The following PIP5K1C variants were observed in gnomAD, a reference collection of about 807,000 sequenced individuals.
The protein encoded by PIP5K1C is phosphatidylinositol 4-phosphate 5-kinase type-1 gamma.
Under a neutral mutation model 80.1 loss-of-function variants are expected in PIP5K1C, and 45 were observed. The observed-to-expected ratio is 0.56, with a 90% CI of 0.44 to 0.72. The LOEUF is 0.72. Among genes scored for constraint, PIP5K1C ranks in the 30% least tolerant of loss-of-function variants. PIP5K1C has a pLI of 0.00. For missense variants in PIP5K1C, 753 were observed against 954.6 expected (o/e 0.79, Z 2.78); for synonymous variants, 498 against 420.1 (o/e 1.19, Z -2.27).
chr19:3,664,676 C>T (rs2034950324), intron 3 of PIP5K1C, 146 bp downstream of exon 3: 7 of 763,192 alleles, frequency 9.2e-6, no homozygotes, highest in South Asian at 8.4e-5. Context: ...AGGACTCCAG[C>T]CTCTGCCTCC....
At position 3,696,860 on chromosome 19, in the gene PIP5K1C, T is replaced by G. The variant is rs1401247004; in HGVS notation, c.94+3437A>C. ...ATGGAGGGCTGCGAGCAGAGGAGGGTCGGGACTCGGGCCGCTGGTTTTTAA... is the reference window on the plus strand; with the variant it reads ...ATGGAGGGCTGCGAGCAGAGGAGGGGCGGGACTCGGGCCGCTGGTTTTTAA... On this transcript the variant is annotated intron_variant, in intron 1 of 17. Coordinates refer to ENST00000335312, the MANE Select transcript of PIP5K1C (RefSeq NM_012398.3). The surrounding 1 kb of genome is among the most constrained non-coding windows in gnomAD (Gnocchi z 4.1). 1.3e-5 allele frequency among the ~76,000 whole-genome samples: 2 copies of G among 151,654 alleles called. No homozygotes were observed. Among genetic ancestry groups the G allele is most frequent in the East Asian group, 3.9e-4 (2 of 5,142 alleles).
At chr19:3,664,287 G>A (rs1237951156) in intron 3 of PIP5K1C, among the ~76,000 whole-genome samples, 2 of 152,210 alleles carry the variant, frequency 1.3e-5, no homozygotes, top group Non-Finnish European at 2.9e-5. Flanking sequence ...AATTAGAGGT[G>A]ACGGCTGCAC....
At chr19:3,656,260 C>T (rs565764735) in intron 6 of PIP5K1C, 145 bp downstream of exon 6, 43 of 850,118 alleles carry the variant, frequency 5.1e-5, no homozygotes, top group South Asian at 1.4e-4. Context: ...GGGGGACCCC[C>T]GAGGGTGAGT....
Position 3,661,065 on chromosome 19 carries a change from G to A in PIP5K1C, c.369C>T (p.Thr123=), listed in dbSNP as rs1186847360. 3 of 1,613,906 alleles carry A rather than the reference G, an allele frequency of 1.9e-6. No homozygotes were observed. The highest frequency in any genetic ancestry group is 2.5e-6 in the Non-Finnish European group (3 of 1,179,862). Residue 123 remains threonine (T), a synonymous_variant, in exon 5 of 18, where the codon ACC becomes ACT. Transcript: ENST00000335312. ...IFFPSEGSNL[T]PAHHFQDFRF... ...GGAAGTCCTGGAAGTGGTGGGCGGG[G>A]GTGAGGTTGCTGCCTTCGCTGTGGA...
In PIP5K1C at chr19:3,647,351, A is replaced by T. The variant is rs2034274898; in HGVS notation, c.1247T>A (p.Leu416His). The T allele has an allele frequency of 6.3e-7, 1 of 1,578,630 alleles. No homozygotes were observed. Among genetic ancestry groups the T allele is most frequent in the Admixed American group, 1.8e-5 (1 of 56,104 alleles). Residue 416 changes from leucine to histidine, a missense_variant, in exon 10 of 18, where the codon CTC becomes CAC. Around this residue, in one of 6 missense-constraint regions of PIP5K1C, gnomAD observed 114 missense variants for 152.4 expected, o/e 0.75. Coordinates refer to ENST00000335312, the MANE Select transcript of PIP5K1C (RefSeq NM_012398.3). ...GCAGGCGCTCACCCCATCGTGGACG[A>T]GGGCCTTCCAGGTGTGCTCCAGTTT... is the stretch of plus-strand genomic sequence containing the variant. Reference protein sequence around the residue: ...IKKLEHTWKALVHDGDTVSVH... With the variant: ...IKKLEHTWKAHVHDGDTVSVH...
rs201875720 is a variant in PIP5K1C at position 3,648,741 on chromosome 19, C to A, written c.1128-33G>T. The stretch of plus-strand genomic sequence containing the variant: ...GAGAGGCCGAGGGTACCATCAGCAT[C>A]CCGCAGAGCTGGGACTCGGGGCAGG... On this transcript the variant is annotated intron_variant, in intron 8 of 17. Coordinates refer to ENST00000335312, the MANE Select transcript of PIP5K1C (RefSeq NM_012398.3). The surrounding 1 kb of genome is among the most constrained non-coding windows in gnomAD (Gnocchi z 4.3). 7.4e-5 allele frequency: 118 copies of A among 1,591,840 alleles called. No homozygotes were observed. In the African/African-American group the frequency reaches 1.6e-3, roughly 21 times the overall value.
chr19:3,665,477 G>A (rs986280041), intron 2 of PIP5K1C, among the ~76,000 whole-genome samples: 4 of 152,164 alleles, frequency 2.6e-5, no homozygotes, highest in Non-Finnish European at 5.9e-5. Context: ...GGACTGAGGT[G>A]GGGGTGGGAA....
At chr19:3,697,094 C>T (rs1228498445) in intron 1 of PIP5K1C, among the ~76,000 whole-genome samples, 1 of 146,762 alleles carries the variant, frequency 6.8e-6, no homozygotes, top group Non-Finnish European at 1.5e-5. Flanking sequence ...CCGAGCTGGA[C>T]CGAGGAGGAC....
At chr19:3,636,616 C>T (rs970352709) in intron 16 of PIP5K1C, 14 of 985,566 alleles carry the variant, frequency 1.4e-5, no homozygotes, top group Non-Finnish European at 1.6e-5. Context: ...GGCACGGCTT[C>T]GCGGTGGCTG....
In PIP5K1C at chr19:3,659,796, G is replaced by A. The variant is rs139022407; in HGVS notation, c.468+1170C>T. 2.6e-3 allele frequency among the ~76,000 whole-genome samples: 395 copies of A among 152,284 alleles called. 2 individuals carry two copies. The highest frequency in any genetic ancestry group is 9.0e-3 in the African/African-American group (373 of 41,560). ...TCCCTGGAAGAGCGCAGCCTCGGGC[G>A]CTTCCTACAGACTGAGATAAACCAA... On this transcript the variant is annotated intron_variant, in intron 5 of 17. Transcript: ENST00000335312.
intron 1 of PIP5K1C, among the ~76,000 whole-genome samples, chr19:3,680,851 A>T (rs2035569232): frequency 6.6e-6 from 1 of 152,086 alleles, no homozygotes; most frequent in African/African-American, 2.4e-5. Flanking sequence ...TCACCAGGGG[A>T]GACTCTGCCC....
intron 1 of PIP5K1C, among the ~76,000 whole-genome samples, chr19:3,677,214 C>T (rs1275602922): frequency 6.6e-6 from 1 of 152,176 alleles, no homozygotes; most frequent in Admixed American, 6.5e-5. Context: ...TGAGAGCCGC[C>T]ACTGCAGCGG....
chr19:3,642,169 G>C (rs934473092), intron 14 of PIP5K1C, among the ~76,000 whole-genome samples: 4 of 152,228 alleles, frequency 2.6e-5, no homozygotes, highest in African/African-American at 7.2e-5. Flanking sequence ...CATGTAACAT[G>C]TCTCTCCAAA....
rs111067225 is a variant in PIP5K1C at position 3,678,674 on chromosome 19, G to C, written c.95-11321C>G. On this transcript the variant is annotated intron_variant, in intron 1 of 17. Coordinates refer to ENST00000335312, the MANE Select transcript of PIP5K1C (RefSeq NM_012398.3). The stretch of plus-strand genomic sequence containing the variant: ...TGGAGAGATGGCGAGATGGAGGGAT[G>C]GCGAGATGGAGGGATGGCGAGATGG... Among the ~76,000 whole-genome samples the C allele has an allele frequency of 5.5e-4, 76 of 136,996 alleles. 1 individual carries two copies. Among genetic ancestry groups the C allele is most frequent in the African/African-American group, 2.0e-3 (73 of 35,936 alleles). 89.9% of individuals were successfully genotyped at this position (136,996 alleles called of 152,430 possible). A position where few individuals can be genotyped will look rare whatever the true frequency, so the allele number is the denominator to read the frequency against.
At chr19:3,636,415 G>C (rs1379497099) in intron 16 of PIP5K1C, 1 of 985,318 alleles carries the variant, frequency 1.0e-6, no homozygotes, top group Non-Finnish European at 1.2e-6. Flanking sequence ...TGCTGTGCCT[G>C]CTGCCGAGAC....
intron 2 of PIP5K1C, among the ~76,000 whole-genome samples, chr19:3,665,121 C>T (rs2034967224): frequency 6.6e-6 from 1 of 152,202 alleles, no homozygotes; most frequent in African/African-American, 2.4e-5. Flanking sequence ...CCTCAGTGTC[C>T]CACACTGGAC....
At position 3,637,888 on chromosome 19, in the gene PIP5K1C, G is replaced by C; in HGVS notation, c.1920+996C>G. On this transcript the variant is annotated intron_variant, in intron 16 of 17. Transcript: ENST00000335312. This position sits in a 1 kb window ranked among gnomAD's most constrained non-coding sequence, Gnocchi z 7.0. ...CCCCGTACCATCCGGAGACCAGGAC[G>C]CGCACAAACCAGTCCCAGGAAAAGG... The C allele has an allele frequency of 6.5e-7, 1 of 1,535,374 alleles. No individual in the cohort carries two copies. Among genetic ancestry groups the C allele is most frequent in the Non-Finnish European group, 8.7e-7 (1 of 1,146,708 alleles).
rs2033434844 is a variant in PIP5K1C, at chr19:3,630,282, G to C, written c.*2885C>G. On this transcript the variant is annotated 3_prime_UTR_variant, in exon 18 of 18. Coordinates refer to ENST00000335312, the MANE Select transcript of PIP5K1C (RefSeq NM_012398.3). ...GGATGCAAACCAGTGTTTGGGGCCA[G>C]GAGTGGCTGTATGGTTTCAGAGGCG... The C allele has an allele frequency of 6.6e-6, 1 of 152,478 alleles. No homozygotes were observed. The highest frequency in any genetic ancestry group is 2.4e-5 in the African/African-American group (1 of 41,396). 9.4% of individuals were successfully genotyped at this position (152,478 alleles called of 1,614,324 possible).
Position 3,637,392 on chromosome 19 carries a change from C to G in PIP5K1C, c.1920+1492G>C. 1 of 1,535,532 alleles carries G rather than the reference C, an allele frequency of 6.5e-7. No homozygotes were observed. The highest frequency in any genetic ancestry group is 8.7e-7 in the Non-Finnish European group (1 of 1,146,758). On this transcript the variant is annotated intron_variant, in intron 16 of 17. Transcript: ENST00000335312. This position sits in a 1 kb window ranked among gnomAD's most constrained non-coding sequence, Gnocchi z 7.0. ...CTGGTCCGGGGCCAGCGTGGCTGAC[C>G]TCAATTGCAGCCGTGATTTACCCAA...
Sources: allele counts gnomAD v4.1 joint callset (sites outside exome capture counted in the v4.1 genomes callset), GRCh38; gene constraint gnomAD v4.1.1; regional missense constraint gnomAD v4.1.1; non-coding constraint Gnocchi (gnomAD v3.1); transcripts MANE v1.5; gene names NCBI Gene and HGNC (gene_info 2026-07-23, HGNC 2026-07-21).